ANKRD31: variants seen among roughly 807,000 people sequenced by gnomAD.
ANKRD31 encodes ankyrin repeat domain 31.
A neutral mutation model predicts 186.0 loss-of-function variants in ANKRD31; 147 were observed. That is an observed-to-expected ratio of 0.79 (90% CI 0.69 to 0.91). ANKRD31 has a LOEUF of 0.91. ANKRD31 is among the 40% of genes least tolerant of loss of function. ANKRD31 has a pLI of 0.00. For synonymous variants in ANKRD31, 673 were observed against 736.4 expected, an observed-to-expected ratio of 0.91 and a Z score of 1.39; for missense variants, 1,986 against 2,148.8, an observed-to-expected ratio of 0.92 and a Z score of 1.50.
At chr5:75,170,881 T>A (rs538524536) in intron 10 of ANKRD31, among the ~76,000 whole-genome samples, 24 of 152,122 alleles carry the variant, frequency 1.6e-4, no homozygotes, top group Middle Eastern at 3.4e-3. Context: ...TACCAAGCAA[T>A]AAAGACAGAC....
intron 11 of ANKRD31, 47 bp downstream of exon 11, chr5:75,168,932 A>G: frequency 2.0e-6 from 3 of 1,464,176 alleles, no homozygotes; most frequent in Non-Finnish European, 2.7e-6. Context: ...GATATTTAAT[A>G]TTTGCAAAAT....
chr5:75,139,026 T>C, intron 15 of ANKRD31, 43 bp from the exon 16 acceptor site: 1 of 1,531,234 alleles, frequency 6.5e-7, no homozygotes, highest in Non-Finnish European at 8.7e-7. Flanking sequence ...TGCCAAATGC[T>C]GATTGTTATA....
chr5:75,147,243 T>G lies in ANKRD31; in HGVS notation c.2168A>C (p.Asn723Thr). 1 of 1,536,282 alleles carries G rather than the reference T, an allele frequency of 6.5e-7. No individual in the cohort carries two copies. Among genetic ancestry groups the G allele is most frequent in the Non-Finnish European group, 8.7e-7 (1 of 1,146,296 alleles). The change falls in exon 14 of 26, where the codon AAC becomes ACC. Residue 723 changes from asparagine to threonine, a missense_variant. Transcript: ENST00000506364. ...NLHNVKDPNT[N>T]VPKGIGRRKT... The stretch of plus-strand genomic sequence containing the variant: ...TCTTCTTCCTATACCTTTTGGTACG[T>G]TTGTGTTGGGATCTTTGACGTTATG...
intron 9 of ANKRD31, among the ~76,000 whole-genome samples, chr5:75,191,122 T>TAA (rs1408711802): frequency 6.6e-6 from 1 of 152,146 alleles, no homozygotes; most frequent in Non-Finnish European, 1.5e-5. Flanking sequence ...AAGATTCACT[T>TAA]ACGCTTTCTT....
intron 17 of ANKRD31, among the ~76,000 whole-genome samples, chr5:75,118,967 TA>T (rs1412591354): frequency 6.6e-6 from 1 of 152,068 alleles, no homozygotes; most frequent in Non-Finnish European, 1.5e-5. Context: ...CATAGTTGAA[TA>T]ACATTCTATT....
At chr5:75,103,542 A>C (rs1747082748) in intron 22 of ANKRD31, among the ~76,000 whole-genome samples, 1 of 152,242 alleles carries the variant, frequency 6.6e-6, no homozygotes, top group African/African-American at 2.4e-5. Flanking sequence ...ACAAAGATAC[A>C]TGCACATGTA....
chr5:75,080,525 CTT>C, intron 25 of ANKRD31, 41 bp downstream of exon 25: 1 of 1,356,028 alleles, frequency 7.4e-7, no homozygotes. Context: ...AATCTAAACA[CTT>C]ATAAAAGTAA....
chr5:75,131,912 A>C (rs6453119), intron 17 of ANKRD31, among the ~76,000 whole-genome samples: 77,230 of 151,988 alleles, frequency 0.51, 22,685 homozygotes, highest in African/African-American at 0.82. Context: ...CTGGAGTGGA[A>C]CTCCAGCAAC....
At chr5:75,193,238 A>G (rs1212252313) in intron 8 of ANKRD31, 73 bp downstream of exon 8, 3 of 1,433,950 alleles carry the variant, frequency 2.1e-6, no homozygotes, top group Non-Finnish European at 2.8e-6. Flanking sequence ...ACTGACCCTG[A>G]TGTCCCCAAG....
intron 17 of ANKRD31, among the ~76,000 whole-genome samples, chr5:75,121,883 C>T (rs768333519): frequency 6.6e-6 from 1 of 151,956 alleles, no homozygotes; most frequent in Non-Finnish European, 1.5e-5. Context: ...AACACCCTAA[C>T]ATCATACCTC....
At chr5:75,102,255 C>A (rs1446117109) in intron 22 of ANKRD31, among the ~76,000 whole-genome samples, 1 of 152,200 alleles carries the variant, frequency 6.6e-6, no homozygotes, top group African/African-American at 2.4e-5. Context: ...GCCAATACTG[C>A]AGAACAGCAA....
intron 23 of ANKRD31, among the ~76,000 whole-genome samples, chr5:75,085,787 T>C (rs1257671155): frequency 6.6e-6 from 1 of 152,166 alleles, no homozygotes; most frequent in Non-Finnish European, 1.5e-5. Context: ...GCTTATTAAA[T>C]TGTTATGAGG....
rs1281703863 is a variant in ANKRD31 at position 75,195,908 on chromosome 5, T to C, written c.740A>G (p.Asp247Gly). The change falls in exon 7 of 26, where the codon GAT (aspartate) becomes GGT (glycine). Residue 247 changes from aspartate (D) to glycine (G), a missense_variant. Transcript: ENST00000506364. ...CAATGGGTTCATCAATTCTTTACGA[T>C]CAAAATCACTTACTAATTCAAACAA... ...ERLFELVSDF[D>G]RKELMNPLSD... The C allele has an allele frequency of 3.6e-5, 56 of 1,536,394 alleles. No individual in the cohort carries two copies. Among genetic ancestry groups the C allele is most frequent in the Non-Finnish European group, 4.7e-5 (54 of 1,146,434 alleles).
chr5:75,177,813 A>G (rs1197790646), intron 10 of ANKRD31, among the ~76,000 whole-genome samples: 2 of 152,244 alleles, frequency 1.3e-5, no homozygotes, highest in East Asian at 1.9e-4. Context: ...TGCTAGGAAG[A>G]AACTGCATCA....
chr5:75,126,570 C>T (rs1359515421), intron 17 of ANKRD31, among the ~76,000 whole-genome samples: 49 of 152,096 alleles, frequency 3.2e-4, no homozygotes, highest in Admixed American at 3.2e-3. Flanking sequence ...TTTGTGTGGA[C>T]AAAAAGCTTT....
chr5:75,220,239 CT>C (rs1337024560), intron 3 of ANKRD31, among the ~76,000 whole-genome samples: 4 of 152,120 alleles, frequency 2.6e-5, no homozygotes, highest in African/African-American at 9.7e-5. Context: ...AACAGGCAAC[CT>C]ATGGAATGGG....
chr5:75,079,542 T>G (rs547678055), intron 25 of ANKRD31, among the ~76,000 whole-genome samples: 11 of 152,094 alleles, frequency 7.2e-5, no homozygotes, highest in African/African-American at 2.7e-4. Flanking sequence ...TGGCATGATC[T>G]CAGCTTACTG....
intron 5 of ANKRD31, among the ~76,000 whole-genome samples, chr5:75,203,577 TGGTTGAACCCGGGAGGTGGA>T: frequency 6.8e-6 from 1 of 146,690 alleles, no homozygotes; most frequent in South Asian, 2.1e-4. Flanking sequence ...ACAGGAGAAT[TGGTTGAACCCGGGAGGTGGA>T]GGTTGCAGTG....
At chr5:75,088,578 C>T (rs1745681805) in intron 23 of ANKRD31, among the ~76,000 whole-genome samples, 5 of 152,138 alleles carry the variant, frequency 3.3e-5, no homozygotes, top group Admixed American at 3.3e-4. Context: ...ATAAAGGTGG[C>T]TAGATTGTAC....
Sources: allele counts gnomAD v4.1 joint callset (sites outside exome capture counted in the v4.1 genomes callset), GRCh38; gene constraint gnomAD v4.1.1; transcripts MANE v1.5; gene names NCBI Gene and HGNC (gene_info 2026-07-23, HGNC 2026-07-21).